STARD10: variants seen among roughly 807,000 people sequenced by gnomAD.
The protein encoded by STARD10 is StAR related lipid transfer domain containing 10, also known as START domain-containing protein 10.
A neutral mutation model predicts 36.0 loss-of-function variants in STARD10; 24 were observed. The observed-to-expected ratio is 0.67, with a 90% confidence interval of 0.48 to 0.94. STARD10 has a LOEUF of 0.94. STARD10 is among the 40% of genes least tolerant of loss of function. The pLI, the probability that STARD10 is intolerant of heterozygous loss-of-function variation, is 0.00. For missense variants in STARD10, 335 were observed against 396.6 expected, an observed-to-expected ratio of 0.84 and a Z score of 1.32; for synonymous variants, 156 against 161.9, an observed-to-expected ratio of 0.96 and a Z score of 0.28.
At position 72,757,836 on chromosome 11, in the gene STARD10, C is replaced by T. The variant is rs1331862703; in HGVS notation, c.508G>A (p.Gly170Ser). Reference sequence around the variant, plus strand: ...GGCCCTGTGCTCTGGATGAGGTAGCCCGTCTGGATGGACACAGCTCGGACC... The same window carrying T: ...GGCCCTGTGCTCTGGATGAGGTAGCTCGTCTGGATGGACACAGCTCGGACC... ...DLVRAVSIQT[G>S]YLIQSTGPKS... Residue 170 changes from glycine to serine, a missense_variant, in exon 5 of 7, where the codon GGC (glycine) becomes AGC (serine). By Grantham distance (56) the Gly-to-Ser change is moderately conservative. Transcript: ENST00000334805. The T allele has an allele frequency of 6.2e-7, 1 of 1,614,184 alleles. No individual in the cohort carries two copies. The highest frequency in any genetic ancestry group is 1.7e-5 in the Admixed American group (1 of 60,024).
chr11:72,774,866 G>C (rs1488201168), intron 2 of STARD10, among the ~76,000 whole-genome samples: 1 of 152,226 alleles, frequency 6.6e-6, no homozygotes, highest in African/African-American at 2.4e-5. Context: ...GGGGAAGAAA[G>C]AAAACCCATC....
intron 1 of STARD10, among the ~76,000 whole-genome samples, chr11:72,786,212 C>A (rs1018227184): frequency 6.6e-6 from 1 of 152,116 alleles, no homozygotes; most frequent in South Asian, 2.1e-4. Context: ...ATTAGCTGGG[C>A]GTGGTGGTGC....
chr11:72,774,526 T>G (rs1858905845), intron 2 of STARD10, among the ~76,000 whole-genome samples: 1 of 152,116 alleles, frequency 6.6e-6, no homozygotes, highest in African/African-American at 2.4e-5. Flanking sequence ...TCAAGGCCAG[T>G]CCAAGCATGC....
intron 1 of STARD10, among the ~76,000 whole-genome samples, chr11:72,786,483 G>A (rs780771509): frequency 2.6e-5 from 4 of 152,218 alleles, no homozygotes; most frequent in South Asian, 2.1e-4. Context: ...ACCTGGAGCC[G>A]GATCTAAGTG....
intron 2 of STARD10, among the ~76,000 whole-genome samples, chr11:72,772,450 T>C (rs911209784): frequency 6.6e-6 from 1 of 152,154 alleles, no homozygotes; most frequent in Non-Finnish European, 1.5e-5. Flanking sequence ...GCTCTTACTC[T>C]CAACCTCTAG....
intron 6 of STARD10, 164 bp from the exon 7 acceptor site, chr11:72,755,306 C>CTTTTTTGTTTTTTTTTTTT: frequency 2.8e-6 from 1 of 355,968 alleles, no homozygotes; most frequent in Non-Finnish European, 4.8e-6. Context: ...ATTCTCCATT[C>CTTTTTTGTTTTTTTTTTTT]TTTTTTTTTT....
intron 2 of STARD10, among the ~76,000 whole-genome samples, chr11:72,761,901 C>CTTTT (rs1350388649): frequency 1.1e-5 from 1 of 93,100 alleles, no homozygotes; most frequent in East Asian, 2.6e-4. Context: ...GTCTGTATTT[C>CTTTT]TTTTTCTTTT....
chr11:72,764,915 T>C (rs1430703826), intron 2 of STARD10, among the ~76,000 whole-genome samples: 1 of 152,120 alleles, frequency 6.6e-6, no homozygotes. Flanking sequence ...ATGCTGGGCT[T>C]GAGTACGTTT....
In STARD10 at chr11:72,761,917, C is replaced by CTTTTTTTTTTTTTTTTTTTTTTTTT. The variant is rs1189000490; in HGVS notation, c.208-2561_208-2537dup. Among the ~76,000 whole-genome samples, 30 of 37,478 alleles carry CTTTTTTTTTTTTTTTTTTTTTTTTT rather than the reference C, an allele frequency of 8.0e-4. 1 individual carries two copies. Among genetic ancestry groups the CTTTTTTTTTTTTTTTTTTTTTTTTT allele is most frequent in the Admixed American group, 1.3e-3 (4 of 3,168 alleles). 24.6% of individuals were successfully genotyped at this position (37,478 alleles called of 152,430 possible). On this transcript the variant is annotated intron_variant, in intron 2 of 6. Coordinates refer to ENST00000334805, the MANE Select transcript of STARD10 (RefSeq NM_006645.3). ...TCTGTATTTCTTTTTCTTTTCTTTTCTTTTTTTTTTTTTTTTTTTTTTTTT... is the reference window on the plus strand; with the variant it reads ...TCTGTATTTCTTTTTCTTTTCTTTTCTTTTTTTTTTTTTTTTTTTTTTTTTTTTTTTTTTTTTTTTTTTTTTTTTT...
intron 6 of STARD10, 191 bp from the exon 7 acceptor site, chr11:72,755,333 C>T (rs1160560250): frequency 2.1e-5 from 10 of 483,012 alleles, no homozygotes; most frequent in South Asian, 5.3e-5. Context: ...TTTTTTGAGA[C>T]GGAATCTCAC....
In STARD10 at chr11:72,755,306, CTTTTTTTTTTT is replaced by C. The variant is rs542293512; in HGVS notation, c.631-175_631-165del. The stretch of plus-strand genomic sequence containing the variant: ...TGGGCCCTAGGCTCCATTCTCCATT[CTTTTTTTTTTT>C]TTTTTTTTTTTGAGACGGAATCTCA... On this transcript the variant is annotated intron_variant, in intron 6 of 6. Coordinates refer to ENST00000334805, the MANE Select transcript of STARD10 (RefSeq NM_006645.3). 1.3e-4 allele frequency: 48 copies of C among 356,836 alleles called. No homozygotes were observed. The East Asian group carries it at 1.6e-3, about 12-fold the overall frequency. The allele number at this position is 356,836 out of a possible 1,614,324, so 22.1% of individuals were successfully genotyped here.
At chr11:72,765,850 G>A (rs111378470) in intron 2 of STARD10, among the ~76,000 whole-genome samples, 16,191 of 149,730 alleles carry the variant, frequency 0.11, 1,092 homozygotes, top group African/African-American at 0.18. Context: ...GTGTCGTGGC[G>A]CACACCTGTA....
chr11:72,761,917 C>CTTTTTTTTTTTTTTTTTTTTTT lies in STARD10; in HGVS notation c.208-2558_208-2537dup, dbSNP rs1189000490. Among the ~76,000 whole-genome samples the CTTTTTTTTTTTTTTTTTTTTTT allele has an allele frequency of 6.4e-4, 24 of 37,478 alleles. 2 individuals are homozygous for CTTTTTTTTTTTTTTTTTTTTTT. Among genetic ancestry groups the CTTTTTTTTTTTTTTTTTTTTTT allele is most frequent in the East Asian group, 1.5e-3 (2 of 1,310 alleles). 24.6% of individuals were successfully genotyped at this position (37,478 alleles called of 152,430 possible). Reference sequence around the variant, plus strand: ...TCTGTATTTCTTTTTCTTTTCTTTTCTTTTTTTTTTTTTTTTTTTTTTTTT... The same window carrying CTTTTTTTTTTTTTTTTTTTTTT: ...TCTGTATTTCTTTTTCTTTTCTTTTCTTTTTTTTTTTTTTTTTTTTTTTTTTTTTTTTTTTTTTTTTTTTTTT... On this transcript the variant is annotated intron_variant, in intron 2 of 6. Transcript: ENST00000334805.
intron 1 of STARD10, among the ~76,000 whole-genome samples, chr11:72,788,881 G>C (rs2135042068): frequency 6.6e-6 from 1 of 151,760 alleles, no homozygotes; most frequent in East Asian, 1.9e-4. Context: ...TAAAAGATAG[G>C]ATCTTGCTCT....
chr11:72,787,511 A>T (rs1859088088), intron 1 of STARD10, among the ~76,000 whole-genome samples: 1 of 152,256 alleles, frequency 6.6e-6, no homozygotes, highest in Non-Finnish European at 1.5e-5. Context: ...AAACAGAACC[A>T]GGTGGATTCT....
rs1333861225 is a variant in STARD10 at position 72,754,740 on chromosome 11, G to T, written c.*157C>A. On this transcript the variant is annotated 3_prime_UTR_variant, in exon 7 of 7. Transcript: ENST00000334805. ...AGTGATGAGCCGGCTGAGGCTGTGGGATCGTTTATTGGGGCTCTGTCCAGC... is the reference window on the plus strand; with the variant it reads ...AGTGATGAGCCGGCTGAGGCTGTGGTATCGTTTATTGGGGCTCTGTCCAGC... The T allele has an allele frequency of 1.7e-6, 2 of 1,143,050 alleles. No homozygotes were observed. Among genetic ancestry groups the T allele is most frequent in the South Asian group, 1.3e-5 (1 of 74,312 alleles). 70.8% of individuals were successfully genotyped at this position (1,143,050 alleles called of 1,614,324 possible). A position where few individuals can be genotyped will look rare whatever the true frequency, so the allele number is the denominator to read the frequency against.
chr11:72,760,848 A>T (rs967070567), intron 2 of STARD10, among the ~76,000 whole-genome samples: 3 of 151,338 alleles, frequency 2.0e-5, no homozygotes, highest in African/African-American at 7.3e-5. Context: ...CAAGTGCCCT[A>T]TCCCCAAGAT....
chr11:72,756,446 A>C (rs1858645359), intron 5 of STARD10, among the ~76,000 whole-genome samples: 1 of 152,070 alleles, frequency 6.6e-6, no homozygotes, highest in Admixed American at 6.5e-5. Context: ...AGCCCTGGGG[A>C]CCCAGAGAGG....
chr11:72,755,293 T>A, intron 6 of STARD10, 151 bp from the exon 7 acceptor site: 5 of 637,828 alleles, frequency 7.8e-6, no homozygotes, highest in Non-Finnish European at 1.3e-5. Flanking sequence ...GGCCCTAGGC[T>A]CCATTCTCCA....
Sources: gnomAD v4.1 joint callset for allele counts (sites outside exome capture counted in the v4.1 genomes callset) on GRCh38, gnomAD v4.1.1 for gene constraint, MANE v1.5 for transcripts, NCBI Gene and HGNC (gene_info 2026-07-23, HGNC 2026-07-21) for gene names.